Variants in MTUS1 observed in about 807,000 individuals in gnomAD.
MTUS1 encodes the protein microtubule-associated tumor suppressor 1.
In MTUS1, 109 loss-of-function variants were observed where a neutral mutation model predicts 120.8. That is an observed-to-expected ratio of 0.90 (90% CI 0.77 to 1.06). The LOEUF is 1.06. Among genes scored for constraint, MTUS1 ranks in the 50% least tolerant of loss-of-function variants. The probability of loss-of-function intolerance (pLI) is 0.00; values close to 1 mark genes in which losing one functional copy is unlikely to be tolerated. For synonymous variants in MTUS1, 737 were observed against 550.5 expected (o/e 1.34, Z -4.74); for missense variants, 2,210 against 1,486.3 (o/e 1.49, Z -8.01).
intron 1 of MTUS1, among the ~76,000 whole-genome samples, chr8:17,773,034 A>G (rs995669159): frequency 6.6e-6 from 1 of 152,304 alleles, no homozygotes; most frequent in African/African-American, 2.4e-5. Flanking sequence ...ATATACACAC[A>G]TGCACAACTT....
intron 6 of MTUS1, among the ~76,000 whole-genome samples, chr8:17,687,605 C>T (rs915034099): frequency 7.9e-5 from 12 of 152,098 alleles, no homozygotes; most frequent in Non-Finnish European, 1.6e-4. Flanking sequence ...AATCAGAAAC[C>T]TTAAAATTAA....
intron 6 of MTUS1, among the ~76,000 whole-genome samples, chr8:17,712,185 A>G: frequency 6.6e-6 from 1 of 152,238 alleles, no homozygotes; most frequent in East Asian, 1.9e-4. Flanking sequence ...AAGGCTCCAG[A>G]AAATGAGCGA....
At chr8:17,761,993 G>A (rs2049074462) in intron 1 of MTUS1, among the ~76,000 whole-genome samples, 2 of 152,206 alleles carry the variant, frequency 1.3e-5, no homozygotes, top group South Asian at 2.1e-4. Context: ...AAACGAAGCA[G>A]TTGAGGCCTG....
At chr8:17,738,061 G>C (rs1041371032) in intron 3 of MTUS1, among the ~76,000 whole-genome samples, 1 of 152,246 alleles carries the variant, frequency 6.6e-6, no homozygotes, top group African/African-American at 2.4e-5. Context: ...GTCACTGCAA[G>C]TTTCGGACGG....
At chr8:17,741,848 G>T (rs1192882075) in intron 3 of MTUS1, among the ~76,000 whole-genome samples, 1 of 152,164 alleles carries the variant, frequency 6.6e-6, no homozygotes, top group Non-Finnish European at 1.5e-5. Flanking sequence ...AGCTGACAGG[G>T]TCTTAGATTC....
At chr8:17,720,032 T>A (rs940244355) in intron 4 of MTUS1, among the ~76,000 whole-genome samples, 1 of 152,120 alleles carries the variant, frequency 6.6e-6, no homozygotes, top group Non-Finnish European at 1.5e-5. Flanking sequence ...ATAGTCCAAC[T>A]TAACATGAGT....
chr8:17,696,577 T>C (rs1818013114), intron 6 of MTUS1, among the ~76,000 whole-genome samples: 2 of 152,176 alleles, frequency 1.3e-5, no homozygotes, highest in Non-Finnish European at 2.9e-5. Context: ...GCCAACCCAA[T>C]GCCCTAAAAG....
At chr8:17,718,108 C>A (rs1469241482) in intron 4 of MTUS1, among the ~76,000 whole-genome samples, 1 of 152,182 alleles carries the variant, frequency 6.6e-6, no homozygotes, top group African/African-American at 2.4e-5. Context: ...TTTCTACTTA[C>A]TGTACTCTAG....
At chr8:17,797,986 T>A (rs1414729900) in intron 1 of MTUS1, among the ~76,000 whole-genome samples, 4 of 152,032 alleles carry the variant, frequency 2.6e-5, no homozygotes, top group Non-Finnish European at 4.4e-5. Context: ...ATCCAGGAAA[T>A]TTTTTAACTA....
chr8:17,736,439 A>G (rs561218324), intron 3 of MTUS1, among the ~76,000 whole-genome samples: 1 of 152,000 alleles, frequency 6.6e-6, no homozygotes, highest in Non-Finnish European at 1.5e-5. Context: ...CTGTGCCTGG[A>G]AAGTCCTCCC....
chr8:17,744,286 A>G (rs1447804701), intron 2 of MTUS1, among the ~76,000 whole-genome samples: 1 of 152,162 alleles, frequency 6.6e-6, no homozygotes, highest in Non-Finnish European at 1.5e-5. Flanking sequence ...CTAAATAGGT[A>G]ATATTTGCCA....
At chr8:17,768,320 A>C (rs1171294124) in intron 1 of MTUS1, among the ~76,000 whole-genome samples, 1 of 152,180 alleles carries the variant, frequency 6.6e-6, no homozygotes, top group African/African-American at 2.4e-5. Context: ...AAGGTCTTTT[A>C]CTCAATCCAA....
chr8:17,801,142 C>A (rs1044919879), upstream of MTUS1, among the ~76,000 whole-genome samples: 1 of 151,550 alleles, frequency 6.6e-6, no homozygotes, highest in Non-Finnish European at 1.5e-5. Context: ...GCGGGGTCGC[C>A]GAGAACCCGC....
chr8:17,682,267 G>C (rs1814697046), intron 7 of MTUS1, among the ~76,000 whole-genome samples: 2 of 152,198 alleles, frequency 1.3e-5, no homozygotes, highest in African/African-American at 4.8e-5. Context: ...TGTAATTGCA[G>C]CACTTTGGGA....
intron 8 of MTUS1, among the ~76,000 whole-genome samples, chr8:17,660,837 A>C (rs924650945): frequency 5.3e-5 from 8 of 152,232 alleles, no homozygotes; most frequent in African/African-American, 1.7e-4. Flanking sequence ...CTATCCCAGC[A>C]TGAGCAATGA....
At chr8:17,661,892 G>A (rs1371343217) in intron 8 of MTUS1, among the ~76,000 whole-genome samples, 1 of 152,162 alleles carries the variant, frequency 6.6e-6, no homozygotes, top group Non-Finnish European at 1.5e-5. Context: ...TGCAGTAATC[G>A]CTCACACTAA....
At chr8:17,687,214 C>G (rs1816004912) in intron 6 of MTUS1, among the ~76,000 whole-genome samples, 1 of 152,172 alleles carries the variant, frequency 6.6e-6, no homozygotes. Flanking sequence ...TGTGCAGTCA[C>G]CATCTTCCGC....
In MTUS1 at chr8:17,753,922, G is replaced by A; in HGVS notation, c.1886C>T (p.Ser629Phe). Reference protein sequence around the residue: ...SSSNSACETGSVSALFQKIKG... With the variant: ...SSSNSACETGFVSALFQKIKG... ...GATCTTCTGAAACAACGCAGAAACG[G>A]ACCCGGTCTCGCATGCTGAGTTAGA... The change falls in exon 2 of 15, where the codon TCC (serine) becomes TTC (phenylalanine). Residue 629 changes from serine to phenylalanine, a missense_variant. By Grantham distance (155) the Ser-to-Phe change is radical. Coordinates refer to ENST00000693296, the MANE Select transcript of MTUS1 (RefSeq NM_001363059.2). 6.2e-7 allele frequency: 1 copy of A among 1,614,142 alleles called. No homozygotes were observed. The highest frequency in any genetic ancestry group is 1.3e-5 in the African/African-American group (1 of 75,038).
In MTUS1 at chr8:17,754,591, C is replaced by G. The variant is rs769503602; in HGVS notation, c.1217G>C (p.Gly406Ala). 3 of 1,614,040 alleles carry G rather than the reference C, an allele frequency of 1.9e-6. No homozygotes were observed. The highest frequency in any genetic ancestry group is 2.5e-6 in the Non-Finnish European group (3 of 1,180,022). The change falls in exon 2 of 15, where the codon GGC becomes GCC. Residue 406 changes from glycine (G) to alanine (A), a missense_variant. Transcript: ENST00000693296. ...ATCCCAAGTCAGTCCAAATGACGAG[C>G]CCACCTTTTGTCCTGGCGGGCTACT... ...ILSSPPGQKVGSSFGLTWDAN... is the reference protein window; with the variant it reads ...ILSSPPGQKVASSFGLTWDAN...
Sources: gnomAD v4.1 joint callset for allele counts (sites outside exome capture counted in the v4.1 genomes callset) on GRCh38, gnomAD v4.1.1 for gene constraint, MANE v1.5 for transcripts, NCBI Gene and HGNC (gene_info 2026-07-23, HGNC 2026-07-21) for gene names.